The following SPAG16 variants were observed in gnomAD, a reference collection of about 807,000 sequenced individuals.
SPAG16 encodes the protein sperm associated antigen 16, also known as sperm-associated antigen 16 protein.
In SPAG16, 86 loss-of-function variants were observed where a neutral mutation model predicts 80.4. The observed-to-expected ratio is 1.07, with a 90% CI of 0.90 to 1.28. The LOEUF is 1.28. Ranked by LOEUF, SPAG16 falls within the 50% of genes most tolerant of loss-of-function variation. The probability of loss-of-function intolerance (pLI) is 0.00; values close to 1 mark genes in which losing one functional copy is unlikely to be tolerated. For synonymous variants in SPAG16, 294 were observed against 265.9 expected (o/e 1.11, Z -1.03); for missense variants, 870 against 765.3 (o/e 1.14, Z -1.61).
chr2:213,946,043 C>G (rs973433198), intron 12 of SPAG16, among the ~76,000 whole-genome samples: 14 of 152,180 alleles, frequency 9.2e-5, no homozygotes, highest in African/African-American at 1.9e-4. Context: ...TAGGTACTTA[C>G]ATACTTTTCA....
intron 5 of SPAG16, among the ~76,000 whole-genome samples, chr2:213,334,737 T>A (rs1337610217): frequency 2.0e-5 from 3 of 152,162 alleles, no homozygotes; most frequent in Admixed American, 1.3e-4. Context: ...CATTTATCTG[T>A]GGAATCTAGA....
rs530230902 is a variant in SPAG16 at position 213,959,618 on chromosome 2, A to C, written c.1400+29473A>C. On this transcript the variant is annotated intron_variant, in intron 12 of 15. Transcript: ENST00000331683. ...GAAACCCTAAGGAATAATACCATGG[A>C]CTTTACTGAAGGCATAATTACACAG... Among the ~76,000 whole-genome samples the C allele has an allele frequency of 2.0e-5, 3 of 152,262 alleles. No individual in the cohort carries two copies. In the South Asian group the frequency reaches 6.2e-4, roughly 32 times the overall value.
chr2:213,351,770 G>A (rs1049020703), intron 7 of SPAG16, among the ~76,000 whole-genome samples: 2 of 151,996 alleles, frequency 1.3e-5, no homozygotes, highest in African/African-American at 4.8e-5. Context: ...TCTTAGCTTC[G>A]AAAATGCAAA....
chr2:214,318,548 GT>G (rs1429569787), intron 15 of SPAG16, among the ~76,000 whole-genome samples: 2 of 151,670 alleles, frequency 1.3e-5, no homozygotes, highest in Non-Finnish European at 2.9e-5. Flanking sequence ...TGCCTGGCTA[GT>G]TTTTTGTAGA....
chr2:213,417,149 A>C (rs1000235748), intron 9 of SPAG16, among the ~76,000 whole-genome samples: 1 of 152,192 alleles, frequency 6.6e-6, no homozygotes, highest in Non-Finnish European at 1.5e-5. Flanking sequence ...TGTCTTTAAG[A>C]ATTGGCTAGC....
intron 9 of SPAG16, among the ~76,000 whole-genome samples, chr2:213,404,046 G>T (rs10198101): frequency 0.29 from 44,452 of 151,492 alleles, 6,966 homozygotes; most frequent in African/African-American, 0.34. Context: ...CACTGCTCAA[G>T]GAAATAAAAG....
At chr2:213,699,441 A>G (rs1285389199) in intron 10 of SPAG16, among the ~76,000 whole-genome samples, 3 of 152,148 alleles carry the variant, frequency 2.0e-5, no homozygotes, top group African/African-American at 7.2e-5. Flanking sequence ...GCCTTTCTTA[A>G]CTAAAGACAG....
chr2:213,860,342 GATAT>G (rs57174578), intron 10 of SPAG16, among the ~76,000 whole-genome samples: 35,921 of 141,410 alleles, frequency 0.25, 5,105 homozygotes, highest in Middle Eastern at 0.4. Flanking sequence ...GTCATTTACA[GATAT>G]ATATATATAT....
chr2:214,193,107 C>T (rs542122851), intron 15 of SPAG16, among the ~76,000 whole-genome samples: 3 of 152,146 alleles, frequency 2.0e-5, no homozygotes, highest in South Asian at 2.1e-4. Context: ...CCATATCAGT[C>T]GGCTACTGGC....
chr2:213,538,278 A>T (rs1207461056), intron 10 of SPAG16, among the ~76,000 whole-genome samples: 1 of 152,128 alleles, frequency 6.6e-6, no homozygotes, highest in Non-Finnish European at 1.5e-5. Context: ...TCCCTATTTT[A>T]AATTCCTTTG....
At chr2:214,204,692 A>G (rs1217431037) in intron 15 of SPAG16, among the ~76,000 whole-genome samples, 3 of 152,200 alleles carry the variant, frequency 2.0e-5, no homozygotes, top group East Asian at 1.9e-4. Context: ...CTTCAGATCC[A>G]GATCTTCCCT....
At chr2:214,338,847 C>A (rs187525693) in intron 15 of SPAG16, among the ~76,000 whole-genome samples, 1 of 152,076 alleles carries the variant, frequency 6.6e-6, no homozygotes, top group Non-Finnish European at 1.5e-5. Context: ...AGAATAGTTG[C>A]GATTTTTGTT....
intron 10 of SPAG16, among the ~76,000 whole-genome samples, chr2:213,627,922 A>G (rs573064509): frequency 6.6e-6 from 1 of 152,322 alleles, no homozygotes; most frequent in Non-Finnish European, 1.5e-5. Flanking sequence ...CAGTTCTCCA[A>G]TCCCATCATC....
At position 213,922,778 on chromosome 2, in the gene SPAG16, T is replaced by C. The variant is rs115657980; in HGVS notation, c.1215-7182T>C. On this transcript the variant is annotated intron_variant, in intron 11 of 15. Coordinates refer to ENST00000331683, the MANE Select transcript of SPAG16 (RefSeq NM_024532.5). ...GAGTTTGGTTGACTGGCTTTGATTC[T>C]AGTACACTACTGGGTCTTGGTGGCA... Among the ~76,000 whole-genome samples, 676 of 152,284 alleles carry C rather than the reference T, an allele frequency of 4.4e-3. 4 individuals carry two copies. The highest frequency in any genetic ancestry group is 0.015 in the African/African-American group (616 of 41,558).
intron 12 of SPAG16, among the ~76,000 whole-genome samples, chr2:213,931,015 C>T (rs918280427): frequency 6.6e-6 from 1 of 152,168 alleles, no homozygotes; most frequent in African/African-American, 2.4e-5. Flanking sequence ...TTTTAATATT[C>T]TACCTTATTC....
intron 15 of SPAG16, among the ~76,000 whole-genome samples, chr2:214,256,962 T>C (rs10184586): frequency 0.63 from 94,828 of 151,662 alleles, 29,973 homozygotes; most frequent in South Asian, 0.71. Context: ...TAAAAAATTA[T>C]GGGAACTCTT....
intron 10 of SPAG16, among the ~76,000 whole-genome samples, chr2:213,722,295 C>CT (rs1559409877): frequency 6.6e-6 from 1 of 152,070 alleles, no homozygotes; most frequent in Non-Finnish European, 1.5e-5. Flanking sequence ...ATCTCTTTTT[C>CT]TTTTTTGGAA....
intron 11 of SPAG16, among the ~76,000 whole-genome samples, chr2:213,868,002 G>T (rs2075773030): frequency 6.6e-6 from 1 of 151,280 alleles, no homozygotes; most frequent in Non-Finnish European, 1.5e-5. Flanking sequence ...GGCTACGAAG[G>T]GAAGAGGCAA....
chr2:213,673,714 GTAA>G (rs1282592655), intron 10 of SPAG16, among the ~76,000 whole-genome samples: 1 of 152,062 alleles, frequency 6.6e-6, no homozygotes, highest in Non-Finnish European at 1.5e-5. Flanking sequence ...CTAAGGTAAT[GTAA>G]TAGTTACTTT....
Sources: gnomAD v4.1 joint callset for allele counts (sites outside exome capture counted in the v4.1 genomes callset) on GRCh38, gnomAD v4.1.1 for gene constraint, MANE v1.5 for transcripts, NCBI Gene and HGNC (gene_info 2026-07-23, HGNC 2026-07-21) for gene names.